VPS39: variants seen among roughly 807,000 people sequenced by gnomAD.
VPS39 encodes the protein vam6/Vps39-like protein.
In VPS39, 70 loss-of-function variants were observed where a neutral mutation model predicts 121.0. The observed-to-expected ratio is 0.58, with a 90% confidence interval of 0.48 to 0.71. The LOEUF is 0.71. Ranked by LOEUF, VPS39 falls within the 30% of genes least tolerant of loss-of-function variation. VPS39 has a pLI of 0.00. For missense variants in VPS39, 818 were observed against 1,051.5 expected, an observed-to-expected ratio of 0.78 and a Z score of 3.07; for synonymous variants, 378 against 398.1, an observed-to-expected ratio of 0.95 and a Z score of 0.60.
At chr15:42,166,351 C>T in intron 15 of VPS39, 119 bp from the exon 16 acceptor site, 1 of 1,207,486 alleles carries the variant, frequency 8.3e-7, no homozygotes, top group South Asian at 1.4e-5. Flanking sequence ...CAAGCATGAG[C>T]CACTTGGGGT....
chr15:42,204,525 C>T (rs1355496933), intron 1 of VPS39, among the ~76,000 whole-genome samples: 1 of 152,080 alleles, frequency 6.6e-6, no homozygotes, highest in Non-Finnish European at 1.5e-5. Context: ...TGGTGGGTGG[C>T]AGTAATCCTA....
intron 2 of VPS39, among the ~76,000 whole-genome samples, chr15:42,195,495 G>A (rs1218593565): frequency 6.6e-6 from 1 of 152,116 alleles, no homozygotes; most frequent in African/African-American, 2.4e-5. Context: ...AAATCAATGT[G>A]CAAAAACCAC....
chr15:42,166,629 G>A lies in VPS39; in HGVS notation c.1540C>T (p.Gln514Ter). ...HEKALQVLVD[Q>*]SKKANSPLKG... ...AGAGGGGAGTTGGCTTTCTTGGACT[G>A]GTCCACGAGCACCTGCAGAGCTGGC... The change falls in exon 15 of 25, where the codon CAG becomes TAG. Residue 514 changes from glutamine to a stop codon, truncating the protein, a stop_gained. Coordinates refer to ENST00000318006, the MANE Select transcript of VPS39 (RefSeq NM_015289.5). LOFTEE classifies it high-confidence loss of function. 1 of 1,614,158 alleles carries A rather than the reference G, an allele frequency of 6.2e-7. No individual in the cohort carries two copies. Among genetic ancestry groups the A allele is most frequent in the Non-Finnish European group, 8.5e-7 (1 of 1,180,020 alleles).
rs143667070 is a variant in VPS39 at position 42,207,930 on chromosome 15, A to C, written c.73+151T>G. 2,935 of 790,320 alleles carry C rather than the reference A, an allele frequency of 3.7e-3. 5 individuals are homozygous for C. Among genetic ancestry groups the C allele is most frequent in the Non-Finnish European group, 5.4e-3 (2,692 of 501,704 alleles). 49.0% of individuals were successfully genotyped at this position (790,320 alleles called of 1,614,324 possible). A position where few individuals can be genotyped will look rare whatever the true frequency, so the allele number is the denominator to read the frequency against. ...ACATCGATGTCTATAGCCGGTGGTC[A>C]TCTCTCTGCCTTCTCTCATCCTAAG... On this transcript the variant is annotated intron_variant, in intron 1 of 24. Coordinates refer to ENST00000318006, the MANE Select transcript of VPS39 (RefSeq NM_015289.5).
chr15:42,173,137 C>A (rs1430949354), intron 11 of VPS39, among the ~76,000 whole-genome samples: 7 of 152,338 alleles, frequency 4.6e-5, no homozygotes, highest in Non-Finnish European at 2.9e-5. Flanking sequence ...GTGCCACACA[C>A]TGTTCAAAGC....
chr15:42,205,281 G>A (rs775609966), intron 1 of VPS39, among the ~76,000 whole-genome samples: 4 of 152,138 alleles, frequency 2.6e-5, no homozygotes, highest in Non-Finnish European at 4.4e-5. Flanking sequence ...ACAGTAGATG[G>A]TGACCCATGA....
At chr15:42,182,162 C>T (rs946973030) in intron 8 of VPS39, among the ~76,000 whole-genome samples, 3 of 152,174 alleles carry the variant, frequency 2.0e-5, no homozygotes, top group Non-Finnish European at 2.9e-5. Context: ...TTGAACGCTA[C>T]TGCTATTATA....
chr15:42,194,833 A>G (rs598360), intron 2 of VPS39, among the ~76,000 whole-genome samples: 47,112 of 151,738 alleles, frequency 0.31, 11,191 homozygotes, highest in African/African-American at 0.65. Flanking sequence ...TTTTAAAAAA[A>G]TCTCTATTTG....
At chr15:42,191,194 A>C in intron 3 of VPS39, 27 bp from the exon 4 acceptor site, 2 of 1,613,412 alleles carry the variant, frequency 1.2e-6, no homozygotes, top group Non-Finnish European at 1.7e-6. Flanking sequence ...CATGAGACCC[A>C]ATTAAACATT....
At chr15:42,169,634 C>G (rs950666562) in intron 12 of VPS39, 90 bp downstream of exon 12, 2 of 1,413,304 alleles carry the variant, frequency 1.4e-6, no homozygotes, top group African/African-American at 2.8e-5. Flanking sequence ...ACTGCCTTGG[C>G]ATTAGAGAAG....
chr15:42,186,232 G>A (rs2049698086), intron 7 of VPS39, among the ~76,000 whole-genome samples: 1 of 150,634 alleles, frequency 6.6e-6, no homozygotes, highest in Non-Finnish European at 1.5e-5. Flanking sequence ...AGGAGTTTAA[G>A]ACCAGCCTAT....
chr15:42,166,673 G>A, intron 14 of VPS39, 24 bp from the exon 15 acceptor site: 1 of 1,614,076 alleles, frequency 6.2e-7, no homozygotes, highest in Non-Finnish European at 8.5e-7. Flanking sequence ...CCAAGAACAA[G>A]GTCATGAGCC....
intron 11 of VPS39, among the ~76,000 whole-genome samples, chr15:42,171,306 T>C (rs1275673285): frequency 6.6e-6 from 1 of 152,204 alleles, no homozygotes; most frequent in Non-Finnish European, 1.5e-5. Context: ...GAAAGTGAGA[T>C]GGAAGCCTCC....
At position 42,166,226 on chromosome 15, in the gene VPS39, T is replaced by C; in HGVS notation, c.1613A>G (p.Glu538Gly). 1 of 1,614,224 alleles carries C rather than the reference T, an allele frequency of 6.2e-7. No individual in the cohort carries two copies. The highest frequency in any genetic ancestry group is 1.1e-5 in the South Asian group (1 of 91,088). Residue 538 changes from glutamate (E) to glycine (G), a missense_variant, in exon 16 of 25, where the codon GAA becomes GGA. Physicochemically the swap from Glu to Gly is moderately conservative, Grantham distance 98. Transcript: ENST00000318006. ...TVQYLQHLGT[E>G]NLHLIFSYSV... ...GTAGGAGAAAATCAAATGCAGGTTTTCTGTGCCTAGAAGGAAAAGCAGGAC... is the reference window on the plus strand; with the variant it reads ...GTAGGAGAAAATCAAATGCAGGTTTCCTGTGCCTAGAAGGAAAAGCAGGAC...
intron 21 of VPS39, 77 bp from the exon 22 acceptor site, chr15:42,162,558 AT>A: frequency 6.8e-7 from 1 of 1,469,170 alleles, no homozygotes; most frequent in Non-Finnish European, 9.1e-7. Context: ...ATGCCTAACG[AT>A]TCGAGGGGCT....
At chr15:42,192,183 C>G in intron 2 of VPS39, 1 of 1,315,658 alleles carries the variant, frequency 7.6e-7, no homozygotes, top group South Asian at 1.3e-5. Context: ...TATTCAGCCT[C>G]AAAAGTCACC....
At chr15:42,164,661 ATCAGC>A (rs1394873410) in intron 18 of VPS39, 175 bp from the exon 19 acceptor site, 1 of 1,434,576 alleles carries the variant, frequency 7.0e-7, no homozygotes, top group African/African-American at 1.4e-5. Context: ...GCCCCAAAAC[ATCAGC>A]TTACGGTTAA....
intron 12 of VPS39, 22 bp from the exon 13 acceptor site, chr15:42,167,559 G>C: frequency 6.2e-7 from 1 of 1,612,968 alleles, no homozygotes; most frequent in Non-Finnish European, 8.5e-7. Context: ...AAAATGTGGG[G>C]TTAAGGCCAG....
intron 4 of VPS39, among the ~76,000 whole-genome samples, chr15:42,190,330 G>A (rs2049800892): frequency 6.6e-6 from 1 of 152,144 alleles, no homozygotes; most frequent in South Asian, 2.1e-4. Context: ...TTTTAGTCAT[G>A]AAGATTAAGT....
Sources: gnomAD v4.1 joint callset for allele counts (sites outside exome capture counted in the v4.1 genomes callset) on GRCh38, gnomAD v4.1.1 for gene constraint, MANE v1.5 for transcripts, NCBI Gene and HGNC (gene_info 2026-07-23, HGNC 2026-07-21) for gene names.